Variants in PDE7B observed in about 807,000 individuals in gnomAD.
The protein encoded by PDE7B is phosphodiesterase 7B, also known as 3',5'-cyclic-AMP phosphodiesterase 7B.
PDE7B carries 29 observed loss-of-function variants against 56.2 expected under a neutral mutation model. The observed-to-expected ratio is 0.52, with a 90% CI of 0.38 to 0.70. The LOEUF (loss-of-function observed/expected upper bound fraction) is 0.70, where lower values mean the gene tolerates loss of function less well. Among genes scored for constraint, PDE7B ranks in the 30% least tolerant of loss-of-function variants. The pLI, the probability that PDE7B is intolerant of heterozygous loss-of-function variation, is 0.00. For missense variants in PDE7B, 490 were observed against 565.0 expected, an observed-to-expected ratio of 0.87 and a Z score of 1.35; for synonymous variants, 197 against 196.9, an observed-to-expected ratio of 1.00 and a Z score of 0.00.
intron 2 of PDE7B, among the ~76,000 whole-genome samples, chr6:136,091,328 C>T (rs1374525508): frequency 6.6e-6 from 1 of 152,112 alleles, no homozygotes; most frequent in African/African-American, 2.4e-5. Context: ...GGGGAAATTC[C>T]TGGCCAGTTT....
At chr6:136,170,950 T>C (rs1778869402) in intron 8 of PDE7B, among the ~76,000 whole-genome samples, 1 of 152,142 alleles carries the variant, frequency 6.6e-6, no homozygotes, top group Non-Finnish European at 1.5e-5. Context: ...CAACGTGTGT[T>C]TTGGAGGGGA....
At chr6:135,894,928 A>T (rs1775871215) in intron 1 of PDE7B, among the ~76,000 whole-genome samples, 2 of 152,190 alleles carry the variant, frequency 1.3e-5, no homozygotes, top group African/African-American at 4.8e-5. Context: ...TTTTTCTCAC[A>T]GAAAGAATCA....
rs1266045576 is a variant in PDE7B, at chr6:136,020,711, G to GA, written c.82+73187_82+73188insA. Among the ~76,000 whole-genome samples, 249 of 152,158 alleles carry GA rather than the reference G, an allele frequency of 1.6e-3. 4 individuals are homozygous for GA. In the East Asian group the frequency reaches 0.027, roughly 17 times the overall value. On this transcript the variant is annotated intron_variant, in intron 2 of 12. Coordinates refer to ENST00000308191, the MANE Select transcript of PDE7B (RefSeq NM_018945.4). ...TCTGTTTGCTATGGTCTCTAAATAA[G>GA]CACCTATATTAAGAGCAAGGGACTC...
intron 2 of PDE7B, among the ~76,000 whole-genome samples, chr6:136,051,386 G>A (rs1776624756): frequency 6.6e-6 from 1 of 152,192 alleles, no homozygotes; most frequent in Non-Finnish European, 1.5e-5. Context: ...GAGCATCCGC[G>A]AGTTCTTGAG....
At chr6:135,924,249 AC>A (rs1488738858) in intron 1 of PDE7B, among the ~76,000 whole-genome samples, 1 of 152,222 alleles carries the variant, frequency 6.6e-6, no homozygotes, top group Non-Finnish European at 1.5e-5. Context: ...GCTCCTTATG[AC>A]CTAAAAAATT....
intron 2 of PDE7B, among the ~76,000 whole-genome samples, chr6:135,973,899 G>A (rs560303999): frequency 6.6e-6 from 1 of 152,170 alleles, no homozygotes; most frequent in Non-Finnish European, 1.5e-5. Flanking sequence ...GTCACCATCA[G>A]CTGCATGTGC....
intron 1 of PDE7B, among the ~76,000 whole-genome samples, chr6:135,943,107 C>T (rs548409934): frequency 6.6e-6 from 1 of 152,124 alleles, no homozygotes; most frequent in Non-Finnish European, 1.5e-5. Context: ...ATCCTAAAAA[C>T]TAATATGGGA....
At chr6:136,058,445 C>T (rs1776777079) in intron 2 of PDE7B, among the ~76,000 whole-genome samples, 1 of 152,190 alleles carries the variant, frequency 6.6e-6, no homozygotes, top group Non-Finnish European at 1.5e-5. Flanking sequence ...ATCCCACCTC[C>T]AGTGTCTATT....
At chr6:135,872,481 A>G (rs1775403001) in intron 1 of PDE7B, among the ~76,000 whole-genome samples, 1 of 152,202 alleles carries the variant, frequency 6.6e-6, no homozygotes, top group Non-Finnish European at 1.5e-5. Context: ...TGCAGTTTGT[A>G]TAGCTTCTCC....
At chr6:136,073,853 GA>G (rs537367394) in intron 2 of PDE7B, among the ~76,000 whole-genome samples, 253 of 152,248 alleles carry the variant, frequency 1.7e-3, no homozygotes, top group Non-Finnish European at 2.2e-3. Flanking sequence ...ATTTCAGCGT[GA>G]TTTCTAAAAA....
Position 136,153,220 on chromosome 6 carries a change from G to T in PDE7B, c.479-855G>T, listed in dbSNP as rs117854566. On this transcript the variant is annotated intron_variant, in intron 6 of 12. Coordinates refer to ENST00000308191, the MANE Select transcript of PDE7B (RefSeq NM_018945.4). ...ACAGATATAGATACTTTGGACACGT[G>T]TATCTACCCAGAAAATATATAAAGA... Among the ~76,000 whole-genome samples the T allele has an allele frequency of 1.5e-4, 23 of 152,260 alleles. No individual in the cohort carries two copies. The East Asian group carries it at 4.2e-3, about 28-fold the overall frequency.
intron 3 of PDE7B, among the ~76,000 whole-genome samples, chr6:136,121,920 A>C (rs1464047435): frequency 6.6e-6 from 1 of 152,212 alleles, no homozygotes; most frequent in East Asian, 1.9e-4. Context: ...GAATTGATGT[A>C]AAATTAGGCT....
chr6:135,859,267 A>G (rs1209782962), intron 1 of PDE7B, among the ~76,000 whole-genome samples: 3 of 152,154 alleles, frequency 2.0e-5, no homozygotes, highest in African/African-American at 4.8e-5. Flanking sequence ...TGTGACAGAA[A>G]TATAGTGTGT....
chr6:135,968,187 T>A (rs914616159), intron 2 of PDE7B, among the ~76,000 whole-genome samples: 1 of 152,036 alleles, frequency 6.6e-6, no homozygotes, highest in Non-Finnish European at 1.5e-5. Context: ...AATGTAAAAC[T>A]GAAAATGATA....
intron 1 of PDE7B, among the ~76,000 whole-genome samples, chr6:135,868,898 G>A (rs1339987928): frequency 6.6e-6 from 1 of 152,078 alleles, no homozygotes; most frequent in Admixed American, 6.6e-5. Context: ...ATTGTTTTTT[G>A]ACTATGACAG....
intron 2 of PDE7B, chr6:136,093,894 A>T (rs927685499): frequency 3.9e-5 from 6 of 152,298 alleles, no homozygotes; most frequent in African/African-American, 9.6e-5. Flanking sequence ...CTCATTCAAA[A>T]TTCTCCTGTC....
At chr6:136,094,614 C>G (rs1242488046) in intron 2 of PDE7B, 1 of 152,384 alleles carries the variant, frequency 6.6e-6, no homozygotes, top group Non-Finnish European at 1.5e-5. Context: ...TCATCCCTTC[C>G]CTGCTTATTT....
intron 3 of PDE7B, among the ~76,000 whole-genome samples, chr6:136,132,471 T>C (rs1346665828): frequency 1.3e-5 from 2 of 152,190 alleles, no homozygotes; most frequent in Non-Finnish European, 2.9e-5. Context: ...CTCTGTTACT[T>C]ATCCATTGCA....
chr6:136,089,368 T>G (rs555385864), intron 2 of PDE7B, among the ~76,000 whole-genome samples: 87 of 152,138 alleles, frequency 5.7e-4, no homozygotes, highest in Non-Finnish European at 1.0e-3. Context: ...AAGCAGTCAA[T>G]AAATAAATGG....
Sources: gnomAD v4.1 joint callset for allele counts (sites outside exome capture counted in the v4.1 genomes callset) on GRCh38, gnomAD v4.1.1 for gene constraint, MANE v1.5 for transcripts, NCBI Gene and HGNC (gene_info 2026-07-23, HGNC 2026-07-21) for gene names.